DNM2: variants seen among roughly 807,000 people sequenced by gnomAD.
DNM2 encodes dynamin 2.
In DNM2, 15 loss-of-function variants were observed where a neutral mutation model predicts 99.0. The observed-to-expected ratio is 0.15, with a 90% CI of 0.10 to 0.23. The LOEUF is 0.23. Among genes scored for constraint, DNM2 ranks in the 10% least tolerant of loss-of-function variants. The pLI is 1.00. For synonymous variants in DNM2, 525 were observed against 481.2 expected (o/e 1.09, Z -1.19); for missense variants, 742 against 1,189.4 (o/e 0.62, Z 5.53).
intron 1 of DNM2, among the ~76,000 whole-genome samples, chr19:10,753,860 T>TTGGCCAAGCAGGTCTCGAACTCC (rs2070289963): frequency 6.6e-6 from 1 of 152,052 alleles, no homozygotes; most frequent in African/African-American, 2.4e-5. Flanking sequence ...TTGCACCATG[T>TTGGCCAAGCAGGTCTCGAACTCC]TGGCCAAGCA....
chr19:10,809,265 T>C (rs970297432), intron 14 of DNM2: 8 of 152,290 alleles, frequency 5.3e-5, no homozygotes, highest in African/African-American at 1.9e-4. Context: ...GGAGCCTCTT[T>C]CCTAGATGCT....
At chr19:10,808,970 T>A (rs2072449114) in intron 14 of DNM2, 1 of 199,308 alleles carries the variant, frequency 5.0e-6, no homozygotes, top group African/African-American at 2.3e-5. Context: ...TTCTATCTCC[T>A]ATGCAGATGT....
intron 5 of DNM2, among the ~76,000 whole-genome samples, chr19:10,778,895 T>A (rs1299596311): frequency 6.6e-6 from 1 of 152,120 alleles, no homozygotes; most frequent in Non-Finnish European, 1.5e-5. Context: ...GTAACCTAAG[T>A]ATTTTTTATT....
chr19:10,767,351 A>T (rs2070831834), intron 2 of DNM2, among the ~76,000 whole-genome samples: 1 of 152,144 alleles, frequency 6.6e-6, no homozygotes, highest in Non-Finnish European at 1.5e-5. Context: ...TCCCCTTGTC[A>T]TCCAGGCTGG....
In DNM2 at chr19:10,818,176, C is replaced by A. The variant is rs757416147; in HGVS notation, c.1672-1804C>A. Among the ~76,000 whole-genome samples the A allele has an allele frequency of 6.6e-6, 1 of 152,090 alleles. No homozygotes were observed. The highest frequency in any genetic ancestry group is 2.4e-5 in the African/African-American group (1 of 41,430). ...TTCATCACCTTCCCTCCCTTGGGTCCGCAGCGGCATCCCTCCCTCCATGGC... is the reference window on the plus strand; with the variant it reads ...TTCATCACCTTCCCTCCCTTGGGTCAGCAGCGGCATCCCTCCCTCCATGGC... On this transcript the variant is annotated intron_variant, in intron 15 of 20. Transcript: ENST00000389253. This position sits in a 1 kb window ranked among gnomAD's most constrained non-coding sequence, Gnocchi z 4.3.
At position 10,795,045 on chromosome 19, in the gene DNM2, C is replaced by T. The variant is rs569985487; in HGVS notation, c.1129-327C>T. ...GGATGATCCTCCCACCTCAGCCTCC[C>T]GAGTAGCTGGGACTATAGGCGTGCA... is the stretch of plus-strand genomic sequence containing the variant. On this transcript the variant is annotated intron_variant, in intron 8 of 20. Coordinates refer to ENST00000389253, the MANE Select transcript of DNM2 (RefSeq NM_001005361.3). This position sits in a 1 kb window ranked among gnomAD's most constrained non-coding sequence, Gnocchi z 4.2. Among the ~76,000 whole-genome samples, 13 of 152,186 alleles carry T rather than the reference C, an allele frequency of 8.5e-5. No individual in the cohort carries two copies. Among genetic ancestry groups the T allele is most frequent in the Non-Finnish European group, 1.5e-4 (10 of 68,010 alleles).
chr19:10,761,836 G>C (rs750709996), intron 2 of DNM2, among the ~76,000 whole-genome samples: 1 of 152,138 alleles, frequency 6.6e-6, no homozygotes, highest in African/African-American at 2.4e-5. Context: ...GACAGCAGCC[G>C]ATGGGCCCAC....
At chr19:10,802,801 A>G (rs1031186446) in intron 12 of DNM2, among the ~76,000 whole-genome samples, 1 of 152,190 alleles carries the variant, frequency 6.6e-6, no homozygotes, top group Non-Finnish European at 1.5e-5. Context: ...GCTTCAAGGC[A>G]TACACTGTAG....
Position 10,817,520 on chromosome 19 carries a change from A to G in DNM2, c.1672-2460A>G. 2.2e-6 allele frequency: 1 copy of G among 450,344 alleles called. No individual in the cohort carries two copies. The highest frequency in any genetic ancestry group is 4.6e-6 in the Non-Finnish European group (1 of 218,888). 27.9% of individuals were successfully genotyped at this position (450,344 alleles called of 1,614,324 possible). A position where few individuals can be genotyped will look rare whatever the true frequency, so the allele number is the denominator to read the frequency against. ...GCGGGGCCGGCTATCCATCCTGCAGAACCCCCCAGGCAGACGCTGGGGCCA... is the reference window on the plus strand; with the variant it reads ...GCGGGGCCGGCTATCCATCCTGCAGGACCCCCCAGGCAGACGCTGGGGCCA... On this transcript the variant is annotated intron_variant, in intron 15 of 20. Coordinates refer to ENST00000389253, the MANE Select transcript of DNM2 (RefSeq NM_001005361.3). The surrounding 1 kb of genome is among the most constrained non-coding windows in gnomAD (Gnocchi z 4.6).
At chr19:10,771,859 G>C (rs900209292) in intron 2 of DNM2, among the ~76,000 whole-genome samples, 14 of 151,972 alleles carry the variant, frequency 9.2e-5, no homozygotes, top group Non-Finnish European at 1.6e-4. Flanking sequence ...TTTTGGGGGA[G>C]GGGGATTCAT....
At chr19:10,806,732 G>A (rs1199620491) in intron 13 of DNM2, among the ~76,000 whole-genome samples, 1 of 152,154 alleles carries the variant, frequency 6.6e-6, no homozygotes, top group Non-Finnish European at 1.5e-5. Context: ...GGCGGAGGTT[G>A]CAGTGAGCCA....
chr19:10,728,722 C>G (rs1050518165), intron 1 of DNM2, among the ~76,000 whole-genome samples: 1 of 152,022 alleles, frequency 6.6e-6, no homozygotes, highest in African/African-American at 2.4e-5. Context: ...CCAAGGCGGG[C>G]AGATCACTTG....
In DNM2 at chr19:10,811,659, T is replaced by C; in HGVS notation, c.1558-605T>C. 1 of 507,498 alleles carries C rather than the reference T, an allele frequency of 2.0e-6. No homozygotes were observed. The highest frequency in any genetic ancestry group is 1.4e-5 in the South Asian group (1 of 69,532). The allele number at this position is 507,498 out of a possible 1,614,324, so 31.4% of individuals were successfully genotyped here. On this transcript the variant is annotated intron_variant, in intron 14 of 20. Coordinates refer to ENST00000389253, the MANE Select transcript of DNM2 (RefSeq NM_001005361.3). This position sits in a 1 kb window ranked among gnomAD's most constrained non-coding sequence, Gnocchi z 5.4. Reference sequence around the variant, plus strand: ...GCACAGCCCCCAGGCTGCCTGCCGTTAGTTGTCAGGTGAGTCCCTGCGCAG... The same window carrying C: ...GCACAGCCCCCAGGCTGCCTGCCGTCAGTTGTCAGGTGAGTCCCTGCGCAG...
intron 1 of DNM2, among the ~76,000 whole-genome samples, chr19:10,744,868 C>G (rs958773532): frequency 6.6e-6 from 1 of 152,014 alleles, no homozygotes; most frequent in African/African-American, 2.4e-5. Flanking sequence ...CCGAGGACAC[C>G]CCTAGGAGGG....
chr19:10,795,841 A>AC lies in DNM2; in HGVS notation c.1196+402_1196+403insC, dbSNP rs1231669887. 1.5e-6 allele frequency: 1 copy of AC among 679,936 alleles called. No homozygotes were observed. Among genetic ancestry groups the AC allele is most frequent in the African/African-American group, 1.8e-5 (1 of 55,826 alleles). 42.1% of individuals were successfully genotyped at this position (679,936 alleles called of 1,614,324 possible). ...CGTGAGCCTCTTGGGTCCCCTCCTTATTCTAACAAAGGTAGTTGCTCCAGG... is the reference window on the plus strand; with the variant it reads ...CGTGAGCCTCTTGGGTCCCCTCCTTACTTCTAACAAAGGTAGTTGCTCCAGG... On this transcript the variant is annotated intron_variant, in intron 9 of 20. Transcript: ENST00000389253. This position sits in a 1 kb window ranked among gnomAD's most constrained non-coding sequence, Gnocchi z 4.2.
chr19:10,803,790 C>T, intron 12 of DNM2: 1 of 721,040 alleles, frequency 1.4e-6, no homozygotes, highest in Non-Finnish European at 1.7e-6. Context: ...GGTGCTCTCT[C>T]AGAGCCAGGG....
chr19:10,812,302 C>T lies in DNM2; in HGVS notation c.1596C>T (p.Ser532=). Residue 532 remains serine (S), a synonymous_variant, in exon 15 of 21, where the codon AGC becomes AGT. Transcript: ENST00000389253. The surrounding 1 kb of genome is among the most constrained non-coding windows in gnomAD (Gnocchi z 4.0). The part of the protein sequence containing the change: ...RRGWLTINNI[S]LMKGGSKEYW... ...GCTGGCTGACCATCAACAACATCAG[C>T]CTGATGAAAGGCGGCTCCAAGGAGT... The T allele has an allele frequency of 1.2e-6, 2 of 1,610,036 alleles. No individual in the cohort carries two copies. Among genetic ancestry groups the T allele is most frequent in the Non-Finnish European group, 1.7e-6 (2 of 1,177,970 alleles).
chr19:10,786,442 G>A (rs2071561258), intron 6 of DNM2, 122 bp from the exon 7 acceptor site: 2 of 1,437,906 alleles, frequency 1.4e-6, no homozygotes, highest in Non-Finnish European at 1.9e-6. Context: ...TCTCAAGGCT[G>A]TGTGGTGTGG....
At chr19:10,814,056 G>C (rs781759727) in intron 15 of DNM2, among the ~76,000 whole-genome samples, 3 of 152,032 alleles carry the variant, frequency 2.0e-5, no homozygotes, top group Non-Finnish European at 4.4e-5. Context: ...TAGTTACTTG[G>C]GGGGCTGAGG....
Sources: gnomAD v4.1 joint callset for allele counts (sites outside exome capture counted in the v4.1 genomes callset) on GRCh38, gnomAD v4.1.1 for gene constraint, Gnocchi (gnomAD v3.1) non-coding constraint, MANE v1.5 for transcripts, NCBI Gene and HGNC (gene_info 2026-07-23, HGNC 2026-07-21) for gene names.